SLC25A14: variants seen among roughly 807,000 people sequenced by gnomAD.
The protein encoded by SLC25A14 is brain mitochondrial carrier protein 1.
In SLC25A14, 8 loss-of-function variants were observed where a neutral mutation model predicts 28.1. That is an observed-to-expected ratio of 0.28 (90% CI 0.17 to 0.51). The LOEUF is 0.51. Among genes scored for constraint, SLC25A14 ranks in the 20% least tolerant of loss-of-function variants. SLC25A14 has a pLI of 0.97. For missense variants in SLC25A14, 135 were observed against 263.8 expected (o/e 0.51, Z 3.38); for synonymous variants, 74 against 90.6 (o/e 0.82, Z 1.04).
rs758712518 is a variant in SLC25A14, at chrX:130,367,599, A to G, written c.855+1923A>G. ...AGAGAGTTGACCAAGGAGAGTAGGT[A>G]GAGGAGTTCACAACCTTTTTGCCTT... On this transcript the variant is annotated intron_variant, in intron 9 of 10. Coordinates refer to ENST00000545805, the MANE Select transcript of SLC25A14 (RefSeq NM_001282195.2). Among the ~76,000 whole-genome samples, 7 of 111,889 alleles carry G rather than the reference A, an allele frequency of 6.3e-5. No individual in the cohort carries two copies. The East Asian group carries it at 2.0e-3, about 31-fold the overall frequency.
At chrX:130,371,772 G>T in intron 10 of SLC25A14, 128 bp downstream of exon 10, 1 of 463,874 alleles carries the variant, frequency 2.2e-6, no homozygotes, top group African/African-American at 2.4e-5. Context: ...GGTGACCCTT[G>T]AGAATCAAAT....
intron 2 of SLC25A14, among the ~76,000 whole-genome samples, chrX:130,342,706 G>A (rs1383818549): frequency 9.1e-6 from 1 of 110,363 alleles, no homozygotes; most frequent in Non-Finnish European, 1.9e-5. Flanking sequence ...TGTGGCAATG[G>A]TGGGTTTTGC....
At chrX:130,363,592 A>T (rs764291453) in intron 7 of SLC25A14, among the ~76,000 whole-genome samples, 1 of 112,237 alleles carries the variant, frequency 8.9e-6, no homozygotes, top group South Asian at 3.7e-4. Flanking sequence ...TCATATGGTA[A>T]TCTGTGTTTA....
chrX:130,350,304 A>G (rs1398253176), intron 5 of SLC25A14, among the ~76,000 whole-genome samples: 4 of 111,840 alleles, frequency 3.6e-5, no homozygotes, highest in African/African-American at 1.3e-4. Flanking sequence ...AAAAGACTTA[A>G]AAAGTATGTT....
chrX:130,364,935 T>TG, intron 8 of SLC25A14, 183 bp downstream of exon 8: 1 of 984,084 alleles, frequency 1.0e-6, no homozygotes, highest in Non-Finnish European at 1.3e-6. Context: ...CCAGGTGCTA[T>TG]GGGGGCTTGG....
At chrX:130,352,554 C>T (rs1264762914) in intron 6 of SLC25A14, among the ~76,000 whole-genome samples, 2 of 112,311 alleles carry the variant, frequency 1.8e-5, no homozygotes, top group Admixed American at 9.4e-5. Flanking sequence ...CTAAGCATTC[C>T]CTTTTCTCTG....
chrX:130,354,920 C>G (rs1485349794), intron 6 of SLC25A14, among the ~76,000 whole-genome samples: 1 of 111,832 alleles, frequency 8.9e-6, no homozygotes, highest in Non-Finnish European at 1.9e-5. Flanking sequence ...TACATTCCAG[C>G]CCATGGGAAG....
intron 2 of SLC25A14, among the ~76,000 whole-genome samples, chrX:130,343,260 G>T (rs1026279351): frequency 4.5e-5 from 5 of 111,796 alleles, no homozygotes; most frequent in African/African-American, 1.6e-4. Context: ...ACTCAAAGAG[G>T]GGATATGCCA....
intron 6 of SLC25A14, among the ~76,000 whole-genome samples, chrX:130,351,224 G>A (rs1268576462): frequency 1.8e-5 from 2 of 111,558 alleles, no homozygotes; most frequent in Non-Finnish European, 3.8e-5. Context: ...GTTGACCTGT[G>A]GTATAACCTG....
chrX:130,361,518 T>G (rs1165510740), intron 7 of SLC25A14, among the ~76,000 whole-genome samples: 1 of 112,879 alleles, frequency 8.9e-6, no homozygotes. Context: ...TGTTTGCATT[T>G]TTCTTCAAAC....
intron 7 of SLC25A14, among the ~76,000 whole-genome samples, chrX:130,362,518 A>C (rs1270609259): frequency 1.8e-5 from 2 of 111,747 alleles, no homozygotes; most frequent in Non-Finnish European, 1.9e-5. Context: ...TGTAAAAAGA[A>C]ATAGGCATAA....
chrX:130,357,081 C>CAGGCTCAT (rs1385401704), intron 6 of SLC25A14, among the ~76,000 whole-genome samples: 1 of 112,152 alleles, frequency 8.9e-6, no homozygotes, highest in African/African-American at 3.2e-5. Context: ...CCTTCAAGAC[C>CAGGCTCAT]AGGCTCATAA....
chrX:130,367,225 G>A (rs139408296), intron 9 of SLC25A14, among the ~76,000 whole-genome samples: 1 of 112,314 alleles, frequency 8.9e-6, no homozygotes, highest in East Asian at 2.8e-4. Flanking sequence ...GCCTGAACTT[G>A]AGCATGATAA....
chrX:130,359,743 G>C (rs1003535353), intron 7 of SLC25A14, among the ~76,000 whole-genome samples: 1 of 111,147 alleles, frequency 9.0e-6, no homozygotes, highest in Admixed American at 9.6e-5. Flanking sequence ...AAGAAAAATT[G>C]AAAGAATAGA....
chrX:130,350,435 T>C (rs2033591191), intron 5 of SLC25A14, among the ~76,000 whole-genome samples: 2 of 111,850 alleles, frequency 1.8e-5, no homozygotes, highest in African/African-American at 6.5e-5. Context: ...ATGATGTTTT[T>C]AGAAATGATT....
chrX:130,371,796 A>G (rs2034268908), intron 10 of SLC25A14, 152 bp downstream of exon 10: 1 of 432,428 alleles, frequency 2.3e-6, no homozygotes, highest in South Asian at 4.2e-5. Context: ...GCAAAGAAAC[A>G]GCTTTCAGTT....
intron 9 of SLC25A14, among the ~76,000 whole-genome samples, chrX:130,368,361 AAG>A (rs1328014550): frequency 8.9e-6 from 1 of 112,263 alleles, no homozygotes; most frequent in Non-Finnish European, 1.9e-5. Flanking sequence ...AGTAATAAAA[AAG>A]AAAAAATCAA....
rs1491415461 is a variant in SLC25A14, at chrX:130,348,793, C to CT, written c.318-446dup. Among the ~76,000 whole-genome samples, 6 of 33,996 alleles carry CT rather than the reference C, an allele frequency of 1.8e-4. No individual in the cohort carries two copies. In the East Asian group the frequency reaches 2.4e-3, roughly 14 times the overall value. 29.5% of individuals were successfully genotyped at this position (33,996 alleles called of 115,157 possible). A position where few individuals can be genotyped will look rare whatever the true frequency, so the allele number is the denominator to read the frequency against. On this transcript the variant is annotated intron_variant, in intron 4 of 10. Coordinates refer to ENST00000545805, the MANE Select transcript of SLC25A14 (RefSeq NM_001282195.2). ...ATTTGAGACTCTACCCCCCCCCCCC[C>CT]TTTTTTTTTTTTAAAATGCAAGCAT...
intron 3 of SLC25A14, among the ~76,000 whole-genome samples, chrX:130,346,166 A>G (rs1433979758): frequency 9.0e-6 from 1 of 111,410 alleles, no homozygotes; most frequent in African/African-American, 3.3e-5. Flanking sequence ...GGGAGATTTT[A>G]TGAGACACAG....
Sources: gnomAD v4.1 joint callset for allele counts (sites outside exome capture counted in the v4.1 genomes callset) on GRCh38, gnomAD v4.1.1 for gene constraint, MANE v1.5 for transcripts, NCBI Gene and HGNC (gene_info 2026-07-23, HGNC 2026-07-21) for gene names.